The following TAB2 variants were observed in gnomAD, a reference collection of about 807,000 sequenced individuals.
The protein encoded by TAB2 is TGF-beta activated kinase 1 (MAP3K7) binding protein 2, also known as TGF-beta-activated kinase 1 and MAP3K7-binding protein 2.
A neutral mutation model predicts 65.0 loss-of-function variants in TAB2; 3 were observed. The observed-to-expected ratio is 0.05, with a 90% confidence interval of 0.02 to 0.12. The LOEUF is 0.12. Among genes scored for constraint, TAB2 ranks in the 10% least tolerant of loss-of-function variants. The probability of loss-of-function intolerance (pLI) is 1.00; values close to 1 mark genes in which losing one functional copy is unlikely to be tolerated. For synonymous variants in TAB2, 298 were observed against 285.1 expected (o/e 1.05, Z -0.46); for missense variants, 623 against 840.3 (o/e 0.74, Z 3.20).
chr6:149,234,411 A>G (rs933690287), intron 1 of TAB2, among the ~76,000 whole-genome samples: 2 of 152,192 alleles, frequency 1.3e-5, no homozygotes, highest in African/African-American at 4.8e-5. Context: ...CACTGGGGCC[A>G]GCAGGAAGTC....
intron 1 of TAB2, among the ~76,000 whole-genome samples, chr6:149,325,939 A>C (rs146710177): frequency 6.6e-6 from 1 of 151,990 alleles, no homozygotes; most frequent in African/African-American, 2.4e-5. Context: ...GGTTCTTCCT[A>C]TTTTGCTTAG....
intron 1 of TAB2, among the ~76,000 whole-genome samples, chr6:149,220,363 G>T (rs767693475): frequency 3.3e-5 from 5 of 152,062 alleles, no homozygotes; most frequent in Non-Finnish European, 5.9e-5. Context: ...CATTATCAAT[G>T]AACTTTTCCT....
intron 1 of TAB2, among the ~76,000 whole-genome samples, chr6:149,320,890 C>T (rs1779433516): frequency 6.6e-6 from 1 of 152,184 alleles, no homozygotes; most frequent in African/African-American, 2.4e-5. Context: ...ACTAGTAGCA[C>T]TTTTCCTTTG....
chr6:149,284,645 T>TAC (rs59723819), intron 1 of TAB2, among the ~76,000 whole-genome samples: 8,202 of 141,390 alleles, frequency 0.058, 314 homozygotes, highest in Non-Finnish European at 0.083. Context: ...ATGATCTCTT[T>TAC]ACACACACAC....
chr6:149,310,460 T>G (rs1039377720), intron 1 of TAB2, among the ~76,000 whole-genome samples: 10 of 152,214 alleles, frequency 6.6e-5, no homozygotes, highest in African/African-American at 2.2e-4. Flanking sequence ...TCAATAGACT[T>G]TTTAGATTTC....
chr6:149,354,035 A>G (rs945542157), intron 1 of TAB2, among the ~76,000 whole-genome samples: 1 of 152,236 alleles, frequency 6.6e-6, no homozygotes, highest in African/African-American at 2.4e-5. Context: ...AGATGTCTAG[A>G]TAAAATTTAA....
At chr6:149,296,178 C>A (rs1215840192) in intron 1 of TAB2, among the ~76,000 whole-genome samples, 4 of 152,180 alleles carry the variant, frequency 2.6e-5, no homozygotes, top group African/African-American at 9.7e-5. Context: ...TGTGCTTGCT[C>A]CTGCCCGTGA....
At chr6:149,372,688 T>C (rs1781269654) in intron 2 of TAB2, among the ~76,000 whole-genome samples, 1 of 152,152 alleles carries the variant, frequency 6.6e-6, no homozygotes, top group Non-Finnish European at 1.5e-5. Flanking sequence ...TAAAAGTGAG[T>C]TGATAATAAT....
intron 3 of TAB2, among the ~76,000 whole-genome samples, chr6:149,393,434 A>G (rs933918236): frequency 6.6e-6 from 1 of 152,246 alleles, no homozygotes; most frequent in Admixed American, 6.5e-5. Context: ...TGCAATACTT[A>G]TTCAGAAATA....
Position 149,237,087 on chromosome 6 carries a change from AT to A in TAB2, c.-121+18312del, listed in dbSNP as rs147138621. 5.1e-3 allele frequency among the ~76,000 whole-genome samples: 781 copies of A among 152,314 alleles called. 6 individuals are homozygous for A. Among genetic ancestry groups the A allele is most frequent in the African/African-American group, 0.018 (745 of 41,578 alleles). On this transcript the variant is annotated intron_variant, in intron 1 of 1. Transcript: ENST00000606202. ...ATCGTGTTAGGCACTGTGAAGTGTT[AT>A]ATCTGAGCATAAAGAATTCCTTGGA... is the stretch of plus-strand genomic sequence containing the variant.
At chr6:149,307,691 TTA>T (rs1241464517) in intron 1 of TAB2, among the ~76,000 whole-genome samples, 3 of 152,192 alleles carry the variant, frequency 2.0e-5, no homozygotes, top group Non-Finnish European at 4.4e-5. Context: ...AAAATTTCAG[TTA>T]TCATGGCTTT....
chr6:149,274,682 A>T (rs1778421640), intron 1 of TAB2, among the ~76,000 whole-genome samples: 1 of 152,214 alleles, frequency 6.6e-6, no homozygotes, highest in African/African-American at 2.4e-5. Flanking sequence ...TTGGGCCTTC[A>T]TTGAAAAAAG....
chr6:149,325,333 G>A (rs866792484), intron 1 of TAB2, among the ~76,000 whole-genome samples: 1 of 152,204 alleles, frequency 6.6e-6, no homozygotes, highest in Middle Eastern at 3.4e-3. Context: ...TTAAGTAATT[G>A]GAAGTAATTT....
chr6:149,353,888 T>C (rs1780568699), intron 1 of TAB2, among the ~76,000 whole-genome samples: 2 of 152,214 alleles, frequency 1.3e-5, no homozygotes, highest in Admixed American at 6.5e-5. Flanking sequence ...ATTTGTGTAT[T>C]TGTGTGTGTA....
At chr6:149,406,852 G>C (rs768411763) in intron 6 of TAB2, among the ~76,000 whole-genome samples, 3 of 152,032 alleles carry the variant, frequency 2.0e-5, no homozygotes, top group Admixed American at 6.6e-5. Flanking sequence ...CCAAGTAGAT[G>C]GATTACAGGC....
intron 1 of TAB2, among the ~76,000 whole-genome samples, chr6:149,284,156 C>A (rs1778627336): frequency 6.6e-6 from 1 of 152,100 alleles, no homozygotes; most frequent in African/African-American, 2.4e-5. Context: ...AAGTATCATA[C>A]CTCTCCAGTG....
upstream of TAB2, among the ~76,000 whole-genome samples, chr6:149,315,278 G>C (rs989794489): frequency 3.9e-5 from 6 of 152,084 alleles, no homozygotes; most frequent in African/African-American, 1.4e-4. Flanking sequence ...AAAACATCCG[G>C]ATTCACCAAT....
chr6:149,378,959 C>A lies in TAB2; in HGVS notation c.1044C>A (p.Thr348=), dbSNP rs753999815. 1.2e-6 allele frequency: 2 copies of A among 1,614,180 alleles called. No individual in the cohort carries two copies. The highest frequency in any genetic ancestry group is 1.7e-6 in the Non-Finnish European group (2 of 1,180,030). ...SSKLRSSGPR[T]SSTSSSVNSQ... ...AACTGCGTTCTTCTGGACCTCGAAC[C>A]TCCAGCACTTCCTCTTCAGTCAATA... The change falls in exon 3 of 7, where the codon ACC becomes ACA. Residue 348 remains threonine, a synonymous_variant. Coordinates refer to ENST00000637181, the MANE Select transcript of TAB2 (RefSeq NM_001292034.3).
chr6:149,249,516 TTCTC>T (rs773051431), intron 1 of TAB2, among the ~76,000 whole-genome samples: 3 of 150,934 alleles, frequency 2.0e-5, no homozygotes, highest in African/African-American at 4.9e-5. Context: ...CTCTGTCTCT[TTCTC>T]TCTGTCTCCC....
Sources: gnomAD v4.1 joint callset for allele counts (sites outside exome capture counted in the v4.1 genomes callset) on GRCh38, gnomAD v4.1.1 for gene constraint, MANE v1.5 for transcripts, NCBI Gene and HGNC (gene_info 2026-07-23, HGNC 2026-07-21) for gene names.